The following OR1L8 variants were observed in gnomAD, a reference collection of about 807,000 sequenced individuals.
The protein encoded by OR1L8 is olfactory receptor family 1 subfamily L member 8.
For missense variants in OR1L8, 330 were observed against 377.4 expected (o/e 0.87, Z 1.04); for synonymous variants, 148 against 147.0 (o/e 1.01, Z -0.05).
intron 2 of OR1L8, among the ~76,000 whole-genome samples, chr9:122,577,387 A>G (rs1201624140): frequency 6.6e-6 from 1 of 152,212 alleles, no homozygotes; most frequent in Non-Finnish European, 1.5e-5. Flanking sequence ...AGTTTTACAC[A>G]TATGACCTCC....
chr9:122,561,871 G>C, the OR1L8 span, among the ~76,000 whole-genome samples: 3 of 152,192 alleles, frequency 2.0e-5, no homozygotes, highest in African/African-American at 7.2e-5. Flanking sequence ...CTTGGTGGAG[G>C]GGGTATGCTG....
Position 122,567,980 on chromosome 9 carries a change from A to G in OR1L8, c.498T>C (p.Arg166=). 6.2e-7 allele frequency: 1 copy of G among 1,614,192 alleles called. No homozygotes were observed. Among genetic ancestry groups the G allele is most frequent in the Non-Finnish European group, 8.5e-7 (1 of 1,180,034 alleles). ...TAACATTGGAGTCACAGAAGGTGAG[A>G]CGATTCAGCAGAAGTGTGTGCAGGA... ...HSLLHTLLLN[R]LTFCDSNVIH... Residue 166 remains arginine, a synonymous_variant, in exon 5 of 5, where the codon CGT becomes CGC. Transcript: ENST00000641027.
chr9:122,578,335 G>C lies in OR1L8; in HGVS notation c.-489C>G, dbSNP rs1829690886. ...ATGGTGGCAGTCACCTGTAATCCCAGATACTCGGGAGGCTGAGGCAGGAGA... is the reference window on the plus strand; with the variant it reads ...ATGGTGGCAGTCACCTGTAATCCCACATACTCGGGAGGCTGAGGCAGGAGA... On this transcript the variant is annotated 5_prime_UTR_variant, in exon 2 of 5. It adds an upstream start codon to the 5' untranslated region. Transcript: ENST00000641027. The C allele has an allele frequency of 6.6e-6, 1 of 151,844 alleles. No individual in the cohort carries two copies. Among genetic ancestry groups the C allele is most frequent in the Non-Finnish European group, 1.5e-5 (1 of 68,070 alleles). 9.4% of individuals were successfully genotyped at this position (151,844 alleles called of 1,614,324 possible).
the OR1L8 span, among the ~76,000 whole-genome samples, chr9:122,560,752 C>T: frequency 2.0e-5 from 3 of 152,062 alleles, no homozygotes; most frequent in South Asian, 2.1e-4. Flanking sequence ...GTCTGGCTGC[C>T]CTTAACATTT....
chr9:122,563,715 A>G (rs1928622), downstream of OR1L8, among the ~76,000 whole-genome samples: 46,946 of 152,130 alleles, frequency 0.31, 8,111 homozygotes, highest in East Asian at 0.81. Flanking sequence ...CATTTCCCCT[A>G]TGGCTTTGTC....
At chr9:122,555,175 C>T in the OR1L8 span, among the ~76,000 whole-genome samples, 1 of 152,152 alleles carries the variant, frequency 6.6e-6, no homozygotes, top group Admixed American at 6.5e-5. Context: ...AAAAGAAGCA[C>T]TGAAACAGAT....
At chr9:122,547,823 C>A in the OR1L8 span, among the ~76,000 whole-genome samples, 2 of 152,048 alleles carry the variant, frequency 1.3e-5, no homozygotes, top group Non-Finnish European at 2.9e-5. Context: ...AGTGAAATTG[C>A]TGGATCAAAT....
chr9:122,567,304 T>C lies in OR1L8; in HGVS notation c.*244A>G. 1 of 378,874 alleles carries C rather than the reference T, an allele frequency of 2.6e-6. No individual in the cohort carries two copies. Among genetic ancestry groups the C allele is most frequent in the Non-Finnish European group, 4.7e-6 (1 of 212,720 alleles). The allele number at this position is 378,874 out of a possible 1,614,324, so 23.5% of individuals were successfully genotyped here. ...TTAGATTAAAGCAGTTTTTGGAAAA[T>C]GAGAAAGTGGAAAAAATAAATCTTT... is the stretch of plus-strand genomic sequence containing the variant. On this transcript the variant is annotated 3_prime_UTR_variant, in exon 5 of 5. Coordinates refer to ENST00000641027, the MANE Select transcript of OR1L8 (RefSeq NM_001004454.2).
downstream of OR1L8, among the ~76,000 whole-genome samples, chr9:122,563,155 C>T (rs1178282539): frequency 6.7e-6 from 1 of 149,894 alleles, no homozygotes; most frequent in Middle Eastern, 3.2e-3. Context: ...AAGTGCTCCC[C>T]TTTCTCCACA....
At chr9:122,563,003 C>T (rs531068737), downstream of OR1L8, among the ~76,000 whole-genome samples, 4 of 152,168 alleles carry the variant, frequency 2.6e-5, no homozygotes, top group South Asian at 2.1e-4. Context: ...GACTCTTTGA[C>T]GTACTTATTT....
At chr9:122,556,866 G>A in the OR1L8 span, among the ~76,000 whole-genome samples, 1 of 152,086 alleles carries the variant, frequency 6.6e-6, no homozygotes, top group Non-Finnish European at 1.5e-5. Flanking sequence ...ATAACATTGA[G>A]TTTTCCTATA....
At chr9:122,547,773 T>C in the OR1L8 span, among the ~76,000 whole-genome samples, 2 of 152,150 alleles carry the variant, frequency 1.3e-5, no homozygotes, top group Non-Finnish European at 2.9e-5. Flanking sequence ...AGGTATCTTT[T>C]TGATATAGCA....
intron 1 of OR1L8, among the ~76,000 whole-genome samples, chr9:122,579,451 G>A (rs1829711500): frequency 6.6e-6 from 1 of 152,126 alleles, no homozygotes; most frequent in Non-Finnish European, 1.5e-5. Context: ...AGAGAGAATT[G>A]AAGTCATTTC....
chr9:122,553,604 A>T, the OR1L8 span: 1 of 1,614,070 alleles, frequency 6.2e-7, no homozygotes, highest in African/African-American at 1.3e-5. Context: ...CCATCTGCCA[A>T]CCACTCCATT....
At position 122,568,603 on chromosome 9, in the gene OR1L8, T is replaced by C; in HGVS notation, c.-126A>G. The C allele has an allele frequency of 1.6e-6, 1 of 627,760 alleles. No individual in the cohort carries two copies. The highest frequency in any genetic ancestry group is 2.7e-6 in the Non-Finnish European group (1 of 366,398). 38.9% of individuals were successfully genotyped at this position (627,760 alleles called of 1,614,324 possible). A position where few individuals can be genotyped will look rare whatever the true frequency, so the allele number is the denominator to read the frequency against. On this transcript the variant is annotated 5_prime_UTR_variant, in exon 5 of 5. Coordinates refer to ENST00000641027, the MANE Select transcript of OR1L8 (RefSeq NM_001004454.2). ...TGGTCACAATTAGCTACTGTGCTAA[T>C]TGTGGGATGGCTTGTTCACCTCATG...
chr9:122,554,071 C>T, the OR1L8 span: 881,994 of 1,612,180 alleles, frequency 0.55, 243,426 homozygotes, highest in East Asian at 0.63. Flanking sequence ...ATTATTCCCA[C>T]GCTAAACCCA....
chr9:122,554,172 T>G, the OR1L8 span: 1 of 1,588,066 alleles, frequency 6.3e-7, no homozygotes, highest in Non-Finnish European at 8.6e-7. Context: ...ATTAGACATC[T>G]AGACGGTGAT....
chr9:122,553,380 C>A, the OR1L8 span: 2 of 1,614,020 alleles, frequency 1.2e-6, no homozygotes, highest in African/African-American at 2.7e-5. Flanking sequence ...CTCTGACCCA[C>A]ACCTCCATAC....
the OR1L8 span, chr9:122,554,234 T>C: frequency 1.8e-5 from 21 of 1,168,226 alleles, no homozygotes; most frequent in Non-Finnish European, 2.6e-5. Context: ...GTAATTCTAC[T>C]ACTGTCATGT....
Sources: gnomAD v4.1 joint callset for allele counts (sites outside exome capture counted in the v4.1 genomes callset) on GRCh38, gnomAD v4.1.1 for gene constraint, MANE v1.5 for transcripts, NCBI Gene and HGNC (gene_info 2026-07-23, HGNC 2026-07-21) for gene names.